Variants in PRDM16 observed in about 807,000 individuals in gnomAD.
The protein encoded by PRDM16 is histone-lysine N-methyltransferase PRDM16.
A neutral mutation model predicts 110.6 loss-of-function variants in PRDM16; 23 were observed. That is an observed-to-expected ratio of 0.21 (90% CI 0.15 to 0.29). The LOEUF (loss-of-function observed/expected upper bound fraction) is 0.29. PRDM16 is among the 10% of genes least tolerant of loss of function. The pLI, the probability that PRDM16 is intolerant of heterozygous loss-of-function variation, is 1.00. For synonymous variants in PRDM16, 799 were observed against 781.8 expected (o/e 1.02, Z -0.37); for missense variants, 1,615 against 1,794.3 (o/e 0.90, Z 1.81).
At chr1:3,204,373 G>A (rs1221703712) in intron 2 of PRDM16, among the ~76,000 whole-genome samples, 2 of 152,150 alleles carry the variant, frequency 1.3e-5, no homozygotes, top group African/African-American at 4.8e-5. Context: ...TGATTTGGAG[G>A]TAAAACGACG....
At chr1:3,271,052 T>TC (rs566915994) in intron 3 of PRDM16, among the ~76,000 whole-genome samples, 3 of 152,132 alleles carry the variant, frequency 2.0e-5, no homozygotes, top group African/African-American at 7.2e-5. Flanking sequence ...CTCCTCCCAG[T>TC]CCCGGCTGTG....
intron 3 of PRDM16, among the ~76,000 whole-genome samples, chr1:3,357,368 G>T (rs1384014580): frequency 2.7e-5 from 4 of 149,300 alleles, no homozygotes. Flanking sequence ...CCCGCCCCGA[G>T]CTGGAAAACC....
intron 3 of PRDM16, among the ~76,000 whole-genome samples, chr1:3,326,407 T>C (rs987772250): frequency 1.3e-5 from 2 of 152,228 alleles, no homozygotes; most frequent in Non-Finnish European, 2.9e-5. Flanking sequence ...TTAGGTTCTG[T>C]GAGGGCATGA....
At chr1:3,379,582 A>T (rs1285331791) in intron 3 of PRDM16, among the ~76,000 whole-genome samples, 4 of 9,368 alleles carry the variant, frequency 4.3e-4, no homozygotes, top group African/African-American at 9.6e-4. Context: ...CCCTCCCAAC[A>T]CACCCCTCCC....
intron 2 of PRDM16, 94 bp downstream of exon 2, chr1:3,186,568 G>T (rs553799980): frequency 2.5e-6 from 2 of 788,092 alleles, no homozygotes; most frequent in African/African-American, 1.8e-5. Context: ...TGCCCGAGGC[G>T]GGAGGCGCGG....
intron 3 of PRDM16, among the ~76,000 whole-genome samples, chr1:3,296,483 C>T (rs897359866): frequency 1.3e-5 from 2 of 152,192 alleles, no homozygotes; most frequent in African/African-American, 4.8e-5. Context: ...GTGGAGGAGG[C>T]GAGAGGCTCC....
intron 3 of PRDM16, among the ~76,000 whole-genome samples, chr1:3,369,199 G>A (rs1230989630): frequency 6.6e-6 from 1 of 152,122 alleles, no homozygotes; most frequent in Non-Finnish European, 1.5e-5. Flanking sequence ...GCGCGCTATT[G>A]AACTTAATTG....
At chr1:3,294,053 G>A (rs911070285) in intron 3 of PRDM16, among the ~76,000 whole-genome samples, 38 of 152,250 alleles carry the variant, frequency 2.5e-4, no homozygotes, top group African/African-American at 7.9e-4. Context: ...TTACTCCCCC[G>A]GGGGCCAGGC....
At chr1:3,283,508 G>A (rs1461019555) in intron 3 of PRDM16, among the ~76,000 whole-genome samples, 2 of 152,276 alleles carry the variant, frequency 1.3e-5, no homozygotes, top group African/African-American at 2.4e-5. Flanking sequence ...CACACTGCGC[G>A]GTGCCCCTAG....
At chr1:3,296,458 G>A (rs906034409) in intron 3 of PRDM16, among the ~76,000 whole-genome samples, 11 of 152,250 alleles carry the variant, frequency 7.2e-5, no homozygotes, top group Admixed American at 5.2e-4. Flanking sequence ...CTGGCCTTCC[G>A]GAGCCTGTCA....
chr1:3,245,352 A>T lies in PRDM16; in HGVS notation c.438+1215A>T, dbSNP rs1266148581. ...ATTTGGGCAGAGCTGCCTACGAGGG[A>T]CAGGGGACCCACCATCTGGGCAGAG... On this transcript the variant is annotated intron_variant, in intron 3 of 16. Coordinates refer to ENST00000270722, the MANE Select transcript of PRDM16 (RefSeq NM_022114.4). This position sits in a 1 kb window ranked among gnomAD's most constrained non-coding sequence, Gnocchi z 4.7. 6.6e-6 allele frequency among the ~76,000 whole-genome samples: 1 copy of T among 152,198 alleles called. No individual in the cohort carries two copies. The highest frequency in any genetic ancestry group is 1.9e-4 in the East Asian group (1 of 5,188).
At chr1:3,367,212 C>T (rs940512959) in intron 3 of PRDM16, among the ~76,000 whole-genome samples, 12 of 151,702 alleles carry the variant, frequency 7.9e-5, no homozygotes, top group Admixed American at 5.9e-4. Context: ...AAGGTTGCAG[C>T]GAGCCGAGAT....
chr1:3,242,297 A>G (rs1263013522), intron 2 of PRDM16, among the ~76,000 whole-genome samples: 2 of 152,250 alleles, frequency 1.3e-5, no homozygotes, highest in African/African-American at 4.8e-5. Context: ...CGAAGCAGGC[A>G]GGACTGGGGA....
chr1:3,134,695 T>A (rs1040638732), intron 1 of PRDM16, among the ~76,000 whole-genome samples: 3 of 152,148 alleles, frequency 2.0e-5, no homozygotes, highest in Non-Finnish European at 2.9e-5. Context: ...GCACCTAGAG[T>A]GTTCAGAAAG....
chr1:3,403,981 C>T (rs1469608809), intron 6 of PRDM16, among the ~76,000 whole-genome samples: 2 of 152,152 alleles, frequency 1.3e-5, no homozygotes, highest in Admixed American at 6.5e-5. Context: ...AAACGCCGCT[C>T]AAGAGGGTCC....
chr1:3,079,202 T>C (rs1353130526), intron 1 of PRDM16, among the ~76,000 whole-genome samples: 1 of 152,160 alleles, frequency 6.6e-6, no homozygotes, highest in African/African-American at 2.4e-5. Context: ...TGCTCCCGAG[T>C]GAAGGCCGTG....
chr1:3,069,840 G>A lies in PRDM16; in HGVS notation c.37+544G>A, dbSNP rs1641704187. Among the ~76,000 whole-genome samples, 3 of 152,024 alleles carry A rather than the reference G, an allele frequency of 2.0e-5. No individual in the cohort carries two copies. In the South Asian group the frequency reaches 6.2e-4, roughly 31 times the overall value. ...CAGAGGAGGGAGACCCCGAGCCGGG[G>A]AGGGGCGGAGGAGGGGGCGCGGGCC... On this transcript the variant is annotated intron_variant, in intron 1 of 16. Coordinates refer to ENST00000270722, the MANE Select transcript of PRDM16 (RefSeq NM_022114.4). This position sits in a 1 kb window ranked among gnomAD's most constrained non-coding sequence, Gnocchi z 6.1.
intron 3 of PRDM16, among the ~76,000 whole-genome samples, chr1:3,298,400 G>A (rs948888710): frequency 2.0e-5 from 3 of 152,236 alleles, no homozygotes; most frequent in African/African-American, 4.8e-5. Context: ...GCAGGGCTGG[G>A]TGCCTCTGAC....
intron 1 of PRDM16, among the ~76,000 whole-genome samples, chr1:3,098,717 A>C (rs1475585017): frequency 6.6e-6 from 1 of 152,158 alleles, no homozygotes; most frequent in Non-Finnish European, 1.5e-5. Context: ...TGTTAGTTCA[A>C]AGGAACAAGG....
Sources: gnomAD v4.1 joint callset for allele counts (sites outside exome capture counted in the v4.1 genomes callset) on GRCh38, gnomAD v4.1.1 for gene constraint, Gnocchi (gnomAD v3.1) non-coding constraint, MANE v1.5 for transcripts, NCBI Gene and HGNC (gene_info 2026-07-23, HGNC 2026-07-21) for gene names.